The following TMC7 variants were observed in gnomAD, a reference collection of about 807,000 sequenced individuals.
The protein encoded by TMC7 is transmembrane channel like 7, also known as transmembrane channel-like protein 7.
TMC7 carries 54 observed loss-of-function variants against 82.9 expected under a neutral mutation model. The observed-to-expected ratio is 0.65, with a 90% CI of 0.52 to 0.82. The LOEUF (loss-of-function observed/expected upper bound fraction) is 0.82, where lower values mean the gene tolerates loss of function less well. Among genes scored for constraint, TMC7 ranks in the 40% least tolerant of loss-of-function variants. TMC7 has a pLI of 0.00. For missense variants in TMC7, 820 were observed against 901.2 expected (o/e 0.91, Z 1.15); for synonymous variants, 350 against 337.9 (o/e 1.04, Z -0.39).
chr16:19,021,551 C>A, intron 3 of TMC7, 78 bp from the exon 4 acceptor site: 1 of 1,482,004 alleles, frequency 6.7e-7, no homozygotes. Context: ...CCAGCTTCAG[C>A]TTTTGTGGCT....
intron 1 of TMC7, among the ~76,000 whole-genome samples, chr16:19,007,636 C>T (rs771702933): frequency 8.7e-4 from 132 of 151,806 alleles, no homozygotes; most frequent in Admixed American, 1.5e-3. Context: ...TGCCACTGCA[C>T]TCCAGCCTGG....
intron 6 of TMC7, among the ~76,000 whole-genome samples, chr16:19,032,716 C>G (rs1960572404): frequency 6.6e-6 from 1 of 152,078 alleles, no homozygotes; most frequent in Non-Finnish European, 1.5e-5. Context: ...CAACCTCTGC[C>G]TTCCGGGTTC....
At chr16:18,995,816 A>T (rs543896587) in intron 1 of TMC7, among the ~76,000 whole-genome samples, 3 of 152,128 alleles carry the variant, frequency 2.0e-5, no homozygotes, top group Non-Finnish European at 4.4e-5. Context: ...CCGGAATCTA[A>T]TTTTTGGAGC....
At chr16:19,033,926 C>A (rs955228486) in intron 6 of TMC7, 2 of 152,194 alleles carry the variant, frequency 1.3e-5, no homozygotes, top group Non-Finnish European at 2.9e-5. Context: ...ACAATTCCTT[C>A]CATTTCTATT....
At chr16:18,994,130 T>G (rs2038997890) in intron 1 of TMC7, among the ~76,000 whole-genome samples, 1 of 152,020 alleles carries the variant, frequency 6.6e-6, no homozygotes, top group Non-Finnish European at 1.5e-5. Context: ...ATGGTAAGTG[T>G]GGGAGACTCA....
chr16:18,994,399 C>T (rs943898329), intron 1 of TMC7, among the ~76,000 whole-genome samples: 2 of 151,346 alleles, frequency 1.3e-5, no homozygotes, highest in African/African-American at 2.4e-5. Context: ...TGTAAGAATA[C>T]TGACTATCGT....
intron 8 of TMC7, among the ~76,000 whole-genome samples, chr16:19,040,084 C>A (rs1024197935): frequency 3.5e-5 from 5 of 140,994 alleles, no homozygotes; most frequent in Admixed American, 7.6e-5. Context: ...TCCCTGCACT[C>A]CAGCCTGGGT....
chr16:19,055,533 T>C (rs1293916943), intron 13 of TMC7, among the ~76,000 whole-genome samples: 1 of 152,188 alleles, frequency 6.6e-6, no homozygotes, highest in Non-Finnish European at 1.5e-5. Flanking sequence ...AATTATTGTA[T>C]TTTTAGTAGA....
rs370544382 is a variant in TMC7 at position 18,995,453 on chromosome 16, C to T, written c.67+11323C>T. ...GTCAGCGAGCCTTGGGCCAGAGTTC[C>T]AGGGGCTCTGGGAGTGGCTGCCGGG... On this transcript the variant is annotated intron_variant, in intron 1 of 15. Transcript: ENST00000304381. Among the ~76,000 whole-genome samples, 16 of 152,276 alleles carry T rather than the reference C, an allele frequency of 1.1e-4. No individual in the cohort carries two copies. The East Asian group carries it at 2.9e-3, about 28-fold the overall frequency.
At chr16:18,993,257 A>G (rs2038983102) in intron 1 of TMC7, among the ~76,000 whole-genome samples, 1 of 152,168 alleles carries the variant, frequency 6.6e-6, no homozygotes, top group Non-Finnish European at 1.5e-5. Context: ...AAGATCATCT[A>G]TCCACTCCAA....
intron 2 of TMC7, among the ~76,000 whole-genome samples, chr16:19,015,697 C>T (rs944985853): frequency 6.6e-6 from 1 of 151,782 alleles, no homozygotes; most frequent in Admixed American, 6.6e-5. Context: ...TCTGCCTCGG[C>T]CTCCCAAGTA....
chr16:19,018,977 C>T (rs544797845), intron 3 of TMC7, among the ~76,000 whole-genome samples: 4 of 152,260 alleles, frequency 2.6e-5, no homozygotes, highest in South Asian at 2.1e-4. Context: ...CAGCCTCCCA[C>T]GTAGCTGAGA....
chr16:19,009,668 G>A (rs1020798815), intron 2 of TMC7, among the ~76,000 whole-genome samples: 18 of 151,746 alleles, frequency 1.2e-4, no homozygotes, highest in Admixed American at 9.2e-4. Flanking sequence ...GGCCGGGCGC[G>A]GTGGCTCACG....
At chr16:19,031,358 AGGGGCT>A in intron 6 of TMC7, among the ~76,000 whole-genome samples, 1 of 152,200 alleles carries the variant, frequency 6.6e-6, no homozygotes, top group South Asian at 2.1e-4. Flanking sequence ...AGCTGTGGCC[AGGGGCT>A]GGGGTCCTAT....
chr16:19,029,805 C>T (rs1423455390), intron 5 of TMC7, among the ~76,000 whole-genome samples: 7 of 151,416 alleles, frequency 4.6e-5, no homozygotes, highest in Admixed American at 6.6e-5. Flanking sequence ...CTCAGCCTCC[C>T]GAGTTCAAGT....
In TMC7 at chr16:19,004,030, A is replaced by G. The variant is rs867048256; in HGVS notation, c.68-5142A>G. ...GAGAAACACCCAAGAATTATCAATA[A>G]AAAAATAAATTTAAAAAAAAAAAAA... On this transcript the variant is annotated intron_variant, in intron 1 of 15. Coordinates refer to ENST00000304381, the MANE Select transcript of TMC7 (RefSeq NM_024847.4). Among the ~76,000 whole-genome samples, 263 of 30,774 alleles carry G rather than the reference A, an allele frequency of 8.5e-3. 3 individuals carry two copies. The highest frequency in any genetic ancestry group is 0.05 in the Middle Eastern group (4 of 80). The allele number at this position is 30,774 out of a possible 152,430, so 20.2% of individuals were successfully genotyped here. A position where few individuals can be genotyped will look rare whatever the true frequency, so the allele number is the denominator to read the frequency against.
Position 19,035,762 on chromosome 16 carries a change from TC to T in TMC7, c.945del (p.Cys316AlafsTer10), listed in dbSNP as rs781703903. 6.2e-7 allele frequency: 1 copy of T among 1,613,322 alleles called. No individual in the cohort carries two copies. Among genetic ancestry groups the T allele is most frequent in the South Asian group, 1.1e-5 (1 of 90,938 alleles). ...YCNKIFAGWD[F>X]CITNRSMADL... is the part of the protein sequence containing the mutation. ...AACAAGATATTTGCCGGCTGGGACTTCTGCATCACTAACCGCAGCATGGCGG... is the reference window on the plus strand; with the variant it reads ...AACAAGATATTTGCCGGCTGGGACTTTGCATCACTAACCGCAGCATGGCGG... On this transcript the variant is annotated frameshift_variant, in exon 7 of 16. Transcript: ENST00000304381. LOFTEE classifies it high-confidence loss of function.
At chr16:19,061,445 G>A (rs537715531) in intron 15 of TMC7, among the ~76,000 whole-genome samples, 4 of 149,034 alleles carry the variant, frequency 2.7e-5, no homozygotes, top group South Asian at 2.2e-4. Flanking sequence ...CACCTCACCC[G>A]GCCTAATTTT....
At chr16:19,020,163 A>G (rs2142206048) in intron 3 of TMC7, among the ~76,000 whole-genome samples, 1 of 152,330 alleles carries the variant, frequency 6.6e-6, no homozygotes, top group South Asian at 2.1e-4. Flanking sequence ...TTTTTAGCAA[A>G]TAAGAAGTAG....
Sources: allele counts gnomAD v4.1 joint callset (sites outside exome capture counted in the v4.1 genomes callset), GRCh38; gene constraint gnomAD v4.1.1; transcripts MANE v1.5; gene names NCBI Gene and HGNC (gene_info 2026-07-23, HGNC 2026-07-21).